CTTNBP2: variants seen among roughly 807,000 people sequenced by gnomAD.
The protein encoded by CTTNBP2 is cortactin binding protein 2.
CTTNBP2 carries 108 observed loss-of-function variants against 156.9 expected under a neutral mutation model. The ratio of observed to expected loss-of-function variants is 0.69; its 90% CI spans 0.59 to 0.81. The LOEUF is 0.81. CTTNBP2 is among the 30% of genes least tolerant of loss of function. CTTNBP2 has a pLI of 0.00. For synonymous variants in CTTNBP2, 767 were observed against 751.8 expected, an observed-to-expected ratio of 1.02 and a Z score of -0.33; for missense variants, 1,924 against 2,035.4, an observed-to-expected ratio of 0.95 and a Z score of 1.05.
intron 16 of CTTNBP2, among the ~76,000 whole-genome samples, chr7:117,732,809 C>A (rs1030544222): frequency 1.3e-5 from 2 of 151,872 alleles, no homozygotes; most frequent in African/African-American, 4.8e-5. Context: ...AATAATTTGG[C>A]CAAGGAAAAA....
intron 4 of CTTNBP2, among the ~76,000 whole-genome samples, 191 bp downstream of exon 4, chr7:117,790,937 T>C (rs1209718821): frequency 6.6e-6 from 1 of 150,408 alleles, no homozygotes; most frequent in Non-Finnish European, 1.5e-5. Flanking sequence ...GCAATTCATA[T>C]AGCAAGATGA....
chr7:117,768,577 A>AG (rs1797634528), intron 8 of CTTNBP2, among the ~76,000 whole-genome samples: 1 of 27,288 alleles, frequency 3.7e-5, no homozygotes, highest in Admixed American at 8.2e-4. Flanking sequence ...AAAAAAAAAA[A>AG]AAAAAAAGAA....
chr7:117,799,939 C>T (rs1584445216), intron 3 of CTTNBP2, among the ~76,000 whole-genome samples: 1 of 151,938 alleles, frequency 6.6e-6, no homozygotes, highest in African/African-American at 2.4e-5. Flanking sequence ...TGAGTAACAG[C>T]AACAAATGAC....
intron 9 of CTTNBP2, among the ~76,000 whole-genome samples, chr7:117,763,162 G>T (rs1797297849): frequency 6.6e-6 from 1 of 152,050 alleles, no homozygotes; most frequent in African/African-American, 2.4e-5. Flanking sequence ...ATCTCTTAAT[G>T]TTAGACTATA....
intron 2 of CTTNBP2, among the ~76,000 whole-genome samples, chr7:117,831,860 T>C (rs1584508939): frequency 6.6e-6 from 1 of 152,158 alleles, no homozygotes; most frequent in Non-Finnish European, 1.5e-5. Context: ...TTATTCTCTT[T>C]CTTAAAGGAA....
intron 14 of CTTNBP2, among the ~76,000 whole-genome samples, chr7:117,742,566 CA>C (rs1796079764): frequency 6.6e-6 from 1 of 151,980 alleles, no homozygotes; most frequent in Non-Finnish European, 1.5e-5. Flanking sequence ...GGAGAAGAAA[CA>C]AGAGACAGAG....
intron 3 of CTTNBP2, among the ~76,000 whole-genome samples, chr7:117,809,679 GCACCTACAC>G (rs1172539082): frequency 3.2e-4 from 49 of 152,068 alleles, no homozygotes; most frequent in Non-Finnish European, 2.9e-5. Flanking sequence ...CTTTTATGCA[GCACCTACAC>G]CAGAACACTA....
At chr7:117,856,950 C>A (rs1803367919) in intron 2 of CTTNBP2, among the ~76,000 whole-genome samples, 1 of 152,110 alleles carries the variant, frequency 6.6e-6, no homozygotes, top group Admixed American at 6.5e-5. Flanking sequence ...CAGAAGACTC[C>A]ACAAAGTTAA....
intron 2 of CTTNBP2, among the ~76,000 whole-genome samples, chr7:117,853,484 C>T (rs1803063275): frequency 6.6e-6 from 1 of 152,102 alleles, no homozygotes; most frequent in African/African-American, 2.4e-5. Flanking sequence ...ATAAAGGTGG[C>T]AAAAGAAATT....
chr7:117,778,154 G>A (rs922824477), intron 7 of CTTNBP2, among the ~76,000 whole-genome samples: 1 of 152,150 alleles, frequency 6.6e-6, no homozygotes, highest in Non-Finnish European at 1.5e-5. Flanking sequence ...TATTAGTAGA[G>A]TACTGAAAGA....
intron 12 of CTTNBP2, among the ~76,000 whole-genome samples, chr7:117,749,819 T>C (rs898035601): frequency 5.3e-5 from 8 of 152,174 alleles, no homozygotes; most frequent in South Asian, 2.1e-4. Flanking sequence ...GTCTTAATGA[T>C]AGTAGAAGAT....
At chr7:117,780,725 A>G (rs1798384141) in intron 6 of CTTNBP2, 134 bp from the exon 7 acceptor site, 1 of 444,410 alleles carries the variant, frequency 2.3e-6, no homozygotes, top group Non-Finnish European at 3.9e-6. Context: ...ATTTACATAT[A>G]TCAATTATTA....
chr7:117,763,386 T>C (rs914254673), intron 9 of CTTNBP2, among the ~76,000 whole-genome samples: 1 of 152,174 alleles, frequency 6.6e-6, no homozygotes, highest in Non-Finnish European at 1.5e-5. Flanking sequence ...TCTATGTAAC[T>C]GCACAAAACT....
At chr7:117,830,524 T>C (rs1313047077) in intron 2 of CTTNBP2, among the ~76,000 whole-genome samples, 13 of 152,330 alleles carry the variant, frequency 8.5e-5, no homozygotes, top group Middle Eastern at 3.4e-3. Flanking sequence ...TCCTTGCTCT[T>C]AGAGTGTCAT....
chr7:117,832,992 T>A (rs1264344797), intron 2 of CTTNBP2, among the ~76,000 whole-genome samples: 14 of 152,038 alleles, frequency 9.2e-5, no homozygotes. Context: ...CCTGAACTTG[T>A]GATCCACCCA....
intron 2 of CTTNBP2, among the ~76,000 whole-genome samples, chr7:117,815,798 C>T (rs1466881067): frequency 6.6e-6 from 1 of 152,018 alleles, no homozygotes; most frequent in Non-Finnish European, 1.5e-5. Context: ...AACTGGCAGG[C>T]CTGGTTTGGA....
rs562467148 is a variant in CTTNBP2 at position 117,794,963 on chromosome 7, C to T, written c.415-2182G>A. Among the ~76,000 whole-genome samples, 986 of 141,750 alleles carry T rather than the reference C, an allele frequency of 7.0e-3. 14 individuals are homozygous for T. Among genetic ancestry groups the T allele is most frequent in the African/African-American group, 0.025 (939 of 37,402 alleles). 93.0% of individuals were successfully genotyped at this position (141,750 alleles called of 152,430 possible). A position where few individuals can be genotyped will look rare whatever the true frequency, so the allele number is the denominator to read the frequency against. Reference sequence around the variant, plus strand: ...ACTGCGGACTGCAGTGGCGCAATCTCGGCTCACTGCAAGCTCCGCTTCCCG... The same window carrying T: ...ACTGCGGACTGCAGTGGCGCAATCTTGGCTCACTGCAAGCTCCGCTTCCCG... On this transcript the variant is annotated intron_variant, in intron 3 of 22. Coordinates refer to ENST00000160373, the MANE Select transcript of CTTNBP2 (RefSeq NM_033427.3).
intron 3 of CTTNBP2, among the ~76,000 whole-genome samples, chr7:117,808,875 G>A (rs1057116382): frequency 4.6e-5 from 7 of 152,050 alleles, no homozygotes; most frequent in Non-Finnish European, 8.8e-5. Flanking sequence ...CAGCTGATAC[G>A]GTATTTTCTT....
intron 2 of CTTNBP2, among the ~76,000 whole-genome samples, chr7:117,832,258 C>G (rs568852878): frequency 3.3e-5 from 5 of 152,264 alleles, no homozygotes; most frequent in African/African-American, 1.2e-4. Context: ...CCCCTCCTCT[C>G]CATCCCAGCC....
Sources: gnomAD v4.1 joint callset for allele counts (sites outside exome capture counted in the v4.1 genomes callset) on GRCh38, gnomAD v4.1.1 for gene constraint, MANE v1.5 for transcripts, NCBI Gene and HGNC (gene_info 2026-07-23, HGNC 2026-07-21) for gene names.